Variants in IL17F observed in about 807,000 individuals in gnomAD.
The protein encoded by IL17F is interleukin 17F, also known as interleukin-17F.
A neutral mutation model predicts 8.3 loss-of-function variants in IL17F; 6 were observed. That is an observed-to-expected ratio of 0.73 (90% CI 0.40 to 1.43). The LOEUF (loss-of-function observed/expected upper bound fraction) is 1.43. Among genes scored for constraint, IL17F ranks in the 40% most tolerant of loss-of-function variants. IL17F has a pLI of 0.02. For missense variants in IL17F, 204 were observed against 209.6 expected, an observed-to-expected ratio of 0.97 and a Z score of 0.17; for synonymous variants, 98 against 81.6, an observed-to-expected ratio of 1.20 and a Z score of -1.08.
Position 52,236,845 on chromosome 6 carries a change from AT to A in IL17F, c.*85del. The A allele has an allele frequency of 1.0e-6, 1 of 1,000,610 alleles. No individual in the cohort carries two copies. The highest frequency in any genetic ancestry group is 1.6e-6 in the Non-Finnish European group (1 of 622,106). 62.0% of individuals were successfully genotyped at this position (1,000,610 alleles called of 1,614,324 possible). A position where few individuals can be genotyped will look rare whatever the true frequency, so the allele number is the denominator to read the frequency against. On this transcript the variant is annotated 3_prime_UTR_variant, in exon 3 of 3. Coordinates refer to ENST00000336123, the MANE Select transcript of IL17F (RefSeq NM_052872.4). The stretch of plus-strand genomic sequence containing the variant: ...TTAAGAGTCCTGTGAAGTGGAGGGA[AT>A]TGGGGGTCAGACAGGACTTGTTGCA...
rs747813737 is a variant in IL17F, at chr6:52,238,799, A to G, written c.185T>C (p.Ile62Thr). The G allele has an allele frequency of 6.2e-7, 1 of 1,614,152 alleles. No individual in the cohort carries two copies. The highest frequency in any genetic ancestry group is 1.1e-5 in the South Asian group (1 of 91,082). The change falls in exon 2 of 3, where the codon ATC becomes ACC. Residue 62 changes from isoleucine to threonine, a missense_variant. Ile to Thr is a moderately conservative substitution (Grantham distance 89, BLOSUM62 -1). Transcript: ENST00000336123. ...GGSMKLDIGI[I>T]NENQRVSMSR... ...CATGGAAACGCGCTGGTTTTCATTG[A>G]TGATGCCAATGTCAAGCTTCATACT...
Position 52,244,416 on chromosome 6 carries a change from G to T in IL17F, c.14C>A (p.Thr5Asn), listed in dbSNP as rs372238359. Residue 5 changes from threonine to asparagine, a missense_variant, in exon 1 of 3, where the codon ACC becomes AAC. Physicochemically the swap from Thr to Asn is moderately conservative, Grantham distance 65 (BLOSUM62 0). Transcript: ENST00000336123. ...ACTCACCATGGCTGGGCCATGCAGG[G>T]TCTTCACTGTCATGTTGCGCTGGTG... is the stretch of plus-strand genomic sequence containing the variant. MTVK[T>N]LHGPAMVKYL... is the part of the protein sequence containing the mutation. The T allele has an allele frequency of 1.5e-5, 24 of 1,614,042 alleles. No individual in the cohort carries two copies. The highest frequency in any genetic ancestry group is 2.0e-5 in the Non-Finnish European group (24 of 1,179,930).
At chr6:52,241,653 T>C (rs1406316232) in intron 1 of IL17F, among the ~76,000 whole-genome samples, 1 of 152,228 alleles carries the variant, frequency 6.6e-6, no homozygotes, top group Non-Finnish European at 1.5e-5. Context: ...ATTAGAAAAT[T>C]CTTTTACATC....
At chr6:52,240,416 G>A (rs4121198) in intron 1 of IL17F, among the ~76,000 whole-genome samples, 13,590 of 139,836 alleles carry the variant, frequency 0.097, 899 homozygotes, top group African/African-American at 0.19. Flanking sequence ...CAGCCTGGGC[G>A]ACAGTGCGAG....
chr6:52,244,793 T>C (rs1764133938), upstream of IL17F, among the ~76,000 whole-genome samples: 1 of 152,226 alleles, frequency 6.6e-6, no homozygotes, highest in Non-Finnish European at 1.5e-5. Flanking sequence ...TGTCAAATCT[T>C]TTTTGTTCTT....
chr6:52,244,813 G>T (rs2128268930), upstream of IL17F, among the ~76,000 whole-genome samples: 1 of 152,214 alleles, frequency 6.6e-6, no homozygotes, highest in South Asian at 2.1e-4. Flanking sequence ...TCCACAAATT[G>T]CCAACACCCT....
At chr6:52,237,934 G>A (rs773134837) in intron 2 of IL17F, among the ~76,000 whole-genome samples, 4 of 152,102 alleles carry the variant, frequency 2.6e-5, no homozygotes, top group East Asian at 3.9e-4. Flanking sequence ...CAGAAAATTC[G>A]CTTAAGAGCA....
chr6:52,243,917 A>G (rs377113925), intron 1 of IL17F, among the ~76,000 whole-genome samples: 152 of 152,226 alleles, frequency 1.0e-3, no homozygotes, highest in African/African-American at 3.6e-3. Flanking sequence ...CAACTGACCC[A>G]TGCCCAGCTA....
At chr6:52,244,612 T>C, upstream of IL17F, 1 of 461,642 alleles carries the variant, frequency 2.2e-6, no homozygotes. Flanking sequence ...ATGCAGGGGT[T>C]TTTTTTTTTA....
At chr6:52,244,336 T>C (rs1764123995) in intron 1 of IL17F, 61 bp downstream of exon 1, 1 of 1,505,894 alleles carries the variant, frequency 6.6e-7, no homozygotes, top group African/African-American at 1.4e-5. Context: ...TTCCTTAGGA[T>C]TCTGTTTTCT....
intron 2 of IL17F, among the ~76,000 whole-genome samples, chr6:52,238,252 T>C (rs1242073645): frequency 1.3e-5 from 2 of 152,224 alleles, no homozygotes; most frequent in Non-Finnish European, 2.9e-5. Context: ...TGTATCTTAA[T>C]GCCAAATTAC....
chr6:52,237,044 T>A lies in IL17F; in HGVS notation c.379A>T (p.Thr127Ser). Reference sequence around the variant, plus strand: ...TGGTGCTTCCTCCGGACGACCAGGGTCTCTTGCTGGATGGGAACGGAATTC... The same window carrying A: ...TGGTGCTTCCTCCGGACGACCAGGGACTCTTGCTGGATGGGAACGGAATTC... ...SMNSVPIQQETLVVRRKHQGC... is the reference protein window; with the variant it reads ...SMNSVPIQQESLVVRRKHQGC... The change falls in exon 3 of 3, where the codon ACC becomes TCC. Residue 127 changes from threonine to serine, a missense_variant. Physicochemically the swap from Thr to Ser is moderately conservative, Grantham distance 58. Transcript: ENST00000336123. The A allele has an allele frequency of 6.2e-7, 1 of 1,614,158 alleles. No homozygotes were observed. The highest frequency in any genetic ancestry group is 8.5e-7 in the Non-Finnish European group (1 of 1,180,010).
chr6:52,244,910 G>C (rs899290130), upstream of IL17F, among the ~76,000 whole-genome samples: 37 of 152,104 alleles, frequency 2.4e-4, 1 homozygote, highest in African/African-American at 8.7e-4. Flanking sequence ...AGGAGCCTTG[G>C]TACTAAACTA....
intron 1 of IL17F, among the ~76,000 whole-genome samples, chr6:52,241,956 G>A (rs997160961): frequency 6.6e-6 from 1 of 152,140 alleles, no homozygotes; most frequent in East Asian, 1.9e-4. Flanking sequence ...AGTGTTGTAG[G>A]TCACATAGCT....
chr6:52,243,136 A>T (rs1764101035), intron 1 of IL17F, among the ~76,000 whole-genome samples: 1 of 152,256 alleles, frequency 6.6e-6, no homozygotes, highest in Admixed American at 6.5e-5. Flanking sequence ...TTAAAATAAC[A>T]CATAAATATA....
At chr6:52,244,566 G>C (rs938336053), upstream of IL17F, 2 of 832,184 alleles carry the variant, frequency 2.4e-6, no homozygotes, top group Non-Finnish European at 4.1e-6. Flanking sequence ...CCTGCTTACT[G>C]TCTTTAAGTT....
intron 1 of IL17F, 84 bp from the exon 2 acceptor site, chr6:52,239,034 T>C: frequency 8.2e-7 from 1 of 1,213,632 alleles, no homozygotes; most frequent in Non-Finnish European, 1.2e-6. Flanking sequence ...AACTCAGCAT[T>C]CCTGTCCTTT....
upstream of IL17F, among the ~76,000 whole-genome samples, chr6:52,245,671 C>T (rs1353274318): frequency 1.3e-5 from 2 of 152,138 alleles, no homozygotes; most frequent in African/African-American, 4.8e-5. Context: ...TCTTTGTATC[C>T]CATCCTCTTG....
chr6:52,241,804 T>C (rs992928276), intron 1 of IL17F, among the ~76,000 whole-genome samples: 1 of 152,204 alleles, frequency 6.6e-6, no homozygotes, highest in African/African-American at 2.4e-5. Context: ...AGTACCAGTC[T>C]GGGGACTCAA....
Sources: allele counts gnomAD v4.1 joint callset (sites outside exome capture counted in the v4.1 genomes callset), GRCh38; gene constraint gnomAD v4.1.1; transcripts MANE v1.5; gene names NCBI Gene and HGNC (gene_info 2026-07-23, HGNC 2026-07-21).